The following UNC45B variants were observed in gnomAD, a reference collection of about 807,000 sequenced individuals.
UNC45B encodes protein unc-45 homolog B.
Under a neutral mutation model 98.7 loss-of-function variants are expected in UNC45B, and 78 were observed. The observed-to-expected ratio is 0.79, with a 90% CI of 0.66 to 0.95. The LOEUF (loss-of-function observed/expected upper bound fraction) is 0.95. UNC45B is among the 40% of genes least tolerant of loss of function. The pLI is 0.00. For synonymous variants in UNC45B, 462 were observed against 480.4 expected (o/e 0.96, Z 0.50); for missense variants, 1,225 against 1,184.9 (o/e 1.03, Z -0.50).
chr17:35,180,414 C>A, intron 17 of UNC45B, 145 bp from the exon 18 acceptor site: 1 of 629,182 alleles, frequency 1.6e-6, no homozygotes, highest in Non-Finnish European at 2.8e-6. Context: ...GAGCTGGGGG[C>A]AGTGTGATGC....
intron 15 of UNC45B, 101 bp downstream of exon 15, chr17:35,176,135 G>A (rs1390297949): frequency 5.9e-6 from 7 of 1,176,584 alleles, no homozygotes; most frequent in Admixed American, 3.5e-5. Context: ...CCTGGAATAC[G>A]GCCACCAGTT....
Position 35,189,081 on chromosome 17 carries a change from A to G in UNC45B, c.*2522A>G, listed in dbSNP as rs1450415146. On this transcript the variant is annotated 3_prime_UTR_variant, in exon 20 of 20. Coordinates refer to ENST00000394570, the MANE Select transcript of UNC45B (RefSeq NM_001267052.2). ...GTTTTTCCAACCAATTCTCTTACAG[A>G]AAATCTATAAATATCTTAGAGGTAT... 1 of 152,216 alleles carries G rather than the reference A, an allele frequency of 6.6e-6. No individual in the cohort carries two copies. Among genetic ancestry groups the G allele is most frequent in the Non-Finnish European group, 1.5e-5 (1 of 68,034 alleles). 9.4% of individuals were successfully genotyped at this position (152,216 alleles called of 1,614,324 possible).
intron 7 of UNC45B, among the ~76,000 whole-genome samples, chr17:35,156,581 G>A (rs2092063532): frequency 6.6e-6 from 1 of 151,984 alleles, no homozygotes; most frequent in Non-Finnish European, 1.5e-5. Flanking sequence ...AGCCGAGATT[G>A]CACCACTGCA....
intron 3 of UNC45B, 105 bp downstream of exon 3, chr17:35,149,114 G>A: frequency 7.6e-7 from 1 of 1,316,338 alleles, no homozygotes; most frequent in Admixed American, 1.7e-5. Flanking sequence ...AGTATGGAGT[G>A]ACTTCAGAAG....
At chr17:35,163,961 A>T (rs2092120141) in intron 8 of UNC45B, 34 bp from the exon 9 acceptor site, 1 of 1,572,554 alleles carries the variant, frequency 6.4e-7, no homozygotes, top group Non-Finnish European at 8.6e-7. Context: ...GGAGCCCAGC[A>T]GGAATCTTAG....
chr17:35,180,440 G>T, intron 17 of UNC45B, 119 bp from the exon 18 acceptor site: 1 of 748,054 alleles, frequency 1.3e-6, no homozygotes, highest in South Asian at 1.7e-5. Flanking sequence ...AAACCATGCT[G>T]GCTGAGGATG....
intron 9 of UNC45B, among the ~76,000 whole-genome samples, chr17:35,164,924 A>G (rs2092127834): frequency 6.6e-6 from 1 of 151,340 alleles, no homozygotes; most frequent in African/African-American, 2.4e-5. Flanking sequence ...GCTGGAGTGC[A>G]GTGGCATGAT....
intron 9 of UNC45B, among the ~76,000 whole-genome samples, chr17:35,166,524 G>C (rs2092142548): frequency 1.3e-5 from 2 of 152,124 alleles, no homozygotes; most frequent in African/African-American, 4.8e-5. Context: ...GTCAGCCTGT[G>C]GAATGCTGAG....
intron 8 of UNC45B, among the ~76,000 whole-genome samples, chr17:35,161,394 G>A (rs1303280679): frequency 1.3e-5 from 2 of 152,210 alleles, no homozygotes; most frequent in East Asian, 1.9e-4. Flanking sequence ...GAGAGAAGGG[G>A]CAAAGATAGA....
At position 35,188,744 on chromosome 17, in the gene UNC45B, G is replaced by C. The variant is rs1209656798; in HGVS notation, c.*2185G>C. ...TTTGTAAATAGTCCAAGAAGATCTA[G>C]AGGAAAGCTGAATTCCTTCATCTGA... On this transcript the variant is annotated 3_prime_UTR_variant, in exon 20 of 20. Coordinates refer to ENST00000394570, the MANE Select transcript of UNC45B (RefSeq NM_001267052.2). 6.6e-6 allele frequency: 1 copy of C among 152,166 alleles called. No homozygotes were observed. 9.4% of individuals were successfully genotyped at this position (152,166 alleles called of 1,614,324 possible).
rs1395089000 is a variant in UNC45B, at chr17:35,180,639, C to A, written c.2336C>A (p.Ala779Asp). ...AATCATGATCAGCTGCGGCAGGCGG[C>A]CACCGAGTGCATGTGCAACATGGTG... ...FENHDQLRQA[A>D]TECMCNMVLH... The change falls in exon 18 of 20, where the codon GCC becomes GAC. Residue 779 changes from alanine to aspartate, a missense_variant. Transcript: ENST00000394570. 3.7e-6 allele frequency: 6 copies of A among 1,613,722 alleles called. No individual in the cohort carries two copies. Among genetic ancestry groups the A allele is most frequent in the Non-Finnish European group, 5.1e-6 (6 of 1,179,932 alleles).
intron 19 of UNC45B, among the ~76,000 whole-genome samples, chr17:35,185,919 A>G (rs1400266473): frequency 2.0e-5 from 3 of 152,118 alleles, no homozygotes; most frequent in Non-Finnish European, 4.4e-5. Flanking sequence ...ATTTTGGTTC[A>G]CAGCTCAGGA....
chr17:35,163,980 C>T lies in UNC45B; in HGVS notation c.980-15C>T, dbSNP rs1567759254. ...CCCAGCAGGAATCTTAGGCTTGCCA[C>T]TGTCTACCCTGCAGGTCTGAGGAAG... On this transcript the variant is annotated splice_polypyrimidine_tract_variant and intron_variant, in intron 8 of 19. Coordinates refer to ENST00000394570, the MANE Select transcript of UNC45B (RefSeq NM_001267052.2). The T allele has an allele frequency of 6.3e-7, 1 of 1,596,576 alleles. No individual in the cohort carries two copies. The highest frequency in any genetic ancestry group is 8.5e-7 in the Non-Finnish European group (1 of 1,172,236).
chr17:35,168,290 A>T lies in UNC45B; in HGVS notation c.1381A>T (p.Asn461Tyr). The change falls in exon 10 of 20, where the codon AAT becomes TAT. Residue 461 changes from asparagine (N) to tyrosine (Y), a missense_variant. By Grantham distance (143) the Asn-to-Tyr change is moderately radical. Transcript: ENST00000394570. ...KLSRATFIIT[N>Y]GVSLLKQIYK... Reference sequence around the variant, plus strand: ...CAGCCGCGCCACCTTCATCATCACCAATGGAGTGTCACTGCTCAAACAGAT... The same window carrying T: ...CAGCCGCGCCACCTTCATCATCACCTATGGAGTGTCACTGCTCAAACAGAT... The T allele has an allele frequency of 6.7e-7, 1 of 1,498,578 alleles. No homozygotes were observed. Among genetic ancestry groups the T allele is most frequent in the African/African-American group, 1.4e-5 (1 of 71,058 alleles). 92.8% of individuals were successfully genotyped at this position (1,498,578 alleles called of 1,614,324 possible). A position where few individuals can be genotyped will look rare whatever the true frequency, so the allele number is the denominator to read the frequency against.
At chr17:35,171,255 C>T in intron 12 of UNC45B, 67 bp from the exon 13 acceptor site, 1 of 1,580,040 alleles carries the variant, frequency 6.3e-7, no homozygotes, top group Non-Finnish European at 8.6e-7. Flanking sequence ...AGGGAGCATC[C>T]TGGAAGCAGA....
intron 5 of UNC45B, 22 bp downstream of exon 5, chr17:35,153,004 C>T: frequency 6.5e-7 from 1 of 1,548,362 alleles, no homozygotes; most frequent in South Asian, 1.2e-5. Flanking sequence ...CCAGTGCCAT[C>T]CAGCCAGCAG....
intron 11 of UNC45B, 73 bp downstream of exon 11, chr17:35,170,004 C>G: frequency 1.2e-6 from 2 of 1,610,162 alleles, no homozygotes; most frequent in Non-Finnish European, 8.5e-7. Flanking sequence ...GGGGTGTGCT[C>G]TAGTGGAGTG....
At chr17:35,161,483 G>A (rs1044484887) in intron 8 of UNC45B, among the ~76,000 whole-genome samples, 28 of 152,208 alleles carry the variant, frequency 1.8e-4, no homozygotes, top group Non-Finnish European at 3.7e-4. Context: ...GGGGAGACCG[G>A]GAGATGAGAT....
intron 18 of UNC45B, among the ~76,000 whole-genome samples, chr17:35,181,252 A>G (rs1440833130): frequency 6.6e-6 from 1 of 152,246 alleles, no homozygotes; most frequent in Non-Finnish European, 1.5e-5. Flanking sequence ...GTCATGGGAC[A>G]AATGATACCC....
Sources: allele counts gnomAD v4.1 joint callset (sites outside exome capture counted in the v4.1 genomes callset), GRCh38; gene constraint gnomAD v4.1.1; transcripts MANE v1.5; gene names NCBI Gene and HGNC (gene_info 2026-07-23, HGNC 2026-07-21).